Variants in SPTA1 observed in about 807,000 individuals in gnomAD.
The protein encoded by SPTA1 is spectrin alpha chain, erythrocytic 1.
A neutral mutation model predicts 324.7 loss-of-function variants in SPTA1; 177 were observed. The ratio of observed to expected loss-of-function variants is 0.55; its 90% confidence interval spans 0.48 to 0.62. The LOEUF (loss-of-function observed/expected upper bound fraction) is 0.62, where lower values mean the gene tolerates loss of function less well. SPTA1 is among the 20% of genes least tolerant of loss of function. SPTA1 has a pLI of 0.00. For synonymous variants in SPTA1, 1,195 were observed against 1,041.3 expected, an observed-to-expected ratio of 1.15 and a Z score of -2.84; for missense variants, 3,162 against 2,883.6, an observed-to-expected ratio of 1.10 and a Z score of -2.21.
intron 10 of SPTA1, among the ~76,000 whole-genome samples, chr1:158,673,654 A>G (rs1186612526): frequency 6.6e-6 from 1 of 152,214 alleles, no homozygotes; most frequent in Non-Finnish European, 1.5e-5. Flanking sequence ...CCAGAAATGA[A>G]TAAGGTGCAG....
chr1:158,627,023 A>C lies in SPTA1; in HGVS notation c.5665-16T>G. ...CCTGCAACACCTGTGAGAAGGGGAG[A>C]GACAAATATATTTATAATGTGCAGG... On this transcript the variant is annotated splice_polypyrimidine_tract_variant and intron_variant, in intron 40 of 51. Coordinates refer to ENST00000643759, the MANE Select transcript of SPTA1 (RefSeq NM_003126.4). The C allele has an allele frequency of 6.2e-7, 1 of 1,613,436 alleles. No homozygotes were observed. The highest frequency in any genetic ancestry group is 8.5e-7 in the Non-Finnish European group (1 of 1,179,556).
Position 158,656,040 on chromosome 1 carries a change from CTGT to C in SPTA1, c.2898+521_2898+523del. Among the ~76,000 whole-genome samples, 4 of 152,286 alleles carry C rather than the reference CTGT, an allele frequency of 2.6e-5. No individual in the cohort carries two copies. The Middle Eastern group carries it at 0.01, about 388-fold the overall frequency. Reference sequence around the variant, plus strand: ...ACAAAAATTTTCCTGTTTTCCAGTACTGTTATTTCAAGAGAACACAAGAGGCCT... The same window carrying C: ...ACAAAAATTTTCCTGTTTTCCAGTACTATTTCAAGAGAACACAAGAGGCCT... On this transcript the variant is annotated intron_variant, in intron 20 of 51. Transcript: ENST00000643759.
intron 22 of SPTA1, 74 bp from the exon 23 acceptor site, chr1:158,652,727 TAGAG>T: frequency 6.5e-7 from 1 of 1,534,722 alleles, no homozygotes; most frequent in South Asian, 1.1e-5. Context: ...GTGACAAACA[TAGAG>T]AAAGAAGGAA....
intron 18 of SPTA1, 27 bp downstream of exon 18, chr1:158,661,260 G>A (rs1225412559): frequency 1.2e-6 from 2 of 1,613,662 alleles, no homozygotes; most frequent in Admixed American, 1.7e-5. Context: ...GTGATGTTTT[G>A]TCCAACTGAA....
chr1:158,678,612 A>T, intron 5 of SPTA1, 78 bp from the exon 6 acceptor site: 1 of 1,508,876 alleles, frequency 6.6e-7, no homozygotes, highest in Non-Finnish European at 9.0e-7. Flanking sequence ...TTTTCATTTT[A>T]CATTAGTTCA....
At chr1:158,615,186 C>T in intron 48 of SPTA1, 30 bp downstream of exon 48, 3 of 1,612,350 alleles carry the variant, frequency 1.9e-6, no homozygotes, top group East Asian at 2.2e-5. Flanking sequence ...ACCTGCATCC[C>T]TCCCTGCTCT....
chr1:158,640,119 T>G, intron 33 of SPTA1, 112 bp from the exon 34 acceptor site: 3 of 1,372,858 alleles, frequency 2.2e-6, no homozygotes, highest in Non-Finnish European at 3.1e-6. Context: ...CAAAATTTGC[T>G]GATACTTGAA....
Position 158,626,217 on chromosome 1 carries a change from T to G in SPTA1, c.5839A>C (p.Lys1947Gln). The change falls in exon 42 of 52, where the codon AAG (lysine) becomes CAG (glutamine). Residue 1947 changes from lysine to glutamine, a missense_variant. Lys to Gln is a moderately conservative substitution (Grantham distance 53, BLOSUM62 1). Coordinates refer to ENST00000643759, the MANE Select transcript of SPTA1 (RefSeq NM_003126.4). ...ADVVEAWIAD[K>Q]ETSLKTNGNG... ...CCATTGGTCTTTAGGCTTGTTTCCT[T>G]ATCAGCTAAAAGGCAAAAACAATTA... The G allele has an allele frequency of 6.2e-7, 1 of 1,613,556 alleles. No homozygotes were observed. Among genetic ancestry groups the G allele is most frequent in the Non-Finnish European group, 8.5e-7 (1 of 1,179,584 alleles).
rs370144773 is a variant in SPTA1, at chr1:158,685,061, T to C, written c.264+47A>G. 13 of 1,612,088 alleles carry C rather than the reference T, an allele frequency of 8.1e-6. No homozygotes were observed. The African/African-American group carries it at 1.3e-4, about 17-fold the overall frequency. On this transcript the variant is annotated intron_variant, in intron 2 of 51. Transcript: ENST00000643759. The stretch of plus-strand genomic sequence containing the variant: ...ATAAAGAAAAACCTATTTCCTTCTC[T>C]AGAGATCTTAGGGTCTGCTCTGAGG...
Position 158,672,039 on chromosome 1 carries a change from G to A in SPTA1, c.1488+20C>T, listed in dbSNP as rs1307207118. On this transcript the variant is annotated intron_variant, in intron 11 of 51. Transcript: ENST00000643759. The stretch of plus-strand genomic sequence containing the variant: ...GTGAGAGAAATTACTTCTAGAGATG[G>A]TATGGACCCCTCCCGTTACCTCTTG... The A allele has an allele frequency of 1.9e-6, 3 of 1,613,438 alleles. No homozygotes were observed. The highest frequency in any genetic ancestry group is 1.7e-5 in the Admixed American group (1 of 59,980).
chr1:158,622,462 T>A (rs1425544056), intron 43 of SPTA1, among the ~76,000 whole-genome samples: 1 of 152,138 alleles, frequency 6.6e-6, no homozygotes, highest in African/African-American at 2.4e-5. Flanking sequence ...ACTTTTAGAT[T>A]CATTATCTTT....
rs757147440 is a variant in SPTA1 at position 158,656,669 on chromosome 1, A to C, written c.2806-13T>G. The C allele has an allele frequency of 3.1e-6, 5 of 1,602,358 alleles. No individual in the cohort carries two copies. The highest frequency in any genetic ancestry group is 2.6e-6 in the Non-Finnish European group (3 of 1,170,202). On this transcript the variant is annotated splice_polypyrimidine_tract_variant and intron_variant, in intron 19 of 51. Transcript: ENST00000643759. The stretch of plus-strand genomic sequence containing the variant: ...TCTTTAGAAGAGCCTGCATTTATTG[A>C]TGGAAGATCATCAGAATGAATATAG...
intron 3 of SPTA1, among the ~76,000 whole-genome samples, chr1:158,682,226 C>T (rs1157264852): frequency 6.6e-6 from 1 of 152,114 alleles, no homozygotes; most frequent in Non-Finnish European, 1.5e-5. Context: ...TATGTATTAC[C>T]TGTCTTATAT....
At chr1:158,657,114 T>A (rs542049928) in intron 19 of SPTA1, among the ~76,000 whole-genome samples, 1 of 152,296 alleles carries the variant, frequency 6.6e-6, no homozygotes, top group South Asian at 2.1e-4. Flanking sequence ...TCTGTCCAAT[T>A]TTATTTTAAT....
chr1:158,616,351 T>C (rs570036414), intron 47 of SPTA1, among the ~76,000 whole-genome samples: 17 of 152,266 alleles, frequency 1.1e-4, no homozygotes, highest in African/African-American at 3.6e-4. Flanking sequence ...TCTTATTTCT[T>C]CTATCAAACT....
intron 10 of SPTA1, 21 bp downstream of exon 10, chr1:158,674,308 A>G (rs1654247498): frequency 1.2e-6 from 2 of 1,608,796 alleles, no homozygotes; most frequent in Non-Finnish European, 1.7e-6. Context: ...GAATTTGACA[A>G]ACTCTGTTAA....
chr1:158,675,542 A>C (rs1053238025), intron 8 of SPTA1, among the ~76,000 whole-genome samples: 1 of 152,192 alleles, frequency 6.6e-6, no homozygotes, highest in Non-Finnish European at 1.5e-5. Flanking sequence ...CAGAAACTGC[A>C]GATAGTACCA....
At chr1:158,617,755 A>G (rs916751261) in intron 46 of SPTA1, among the ~76,000 whole-genome samples, 167 bp from the exon 47 acceptor site, 18 of 152,170 alleles carry the variant, frequency 1.2e-4, no homozygotes, top group African/African-American at 4.3e-4. Context: ...GACTGATGAG[A>G]AGGGAAGACT....
At position 158,642,514 on chromosome 1, in the gene SPTA1, G is replaced by A. The variant is rs775195796; in HGVS notation, c.4634C>T (p.Ala1545Val). 1.9e-6 allele frequency: 3 copies of A among 1,613,452 alleles called. No individual in the cohort carries two copies. The highest frequency in any genetic ancestry group is 1.3e-5 in the African/African-American group (1 of 74,856). The change falls in exon 33 of 52, where the codon GCA becomes GTA. Residue 1545 changes from alanine (A) to valine (V), a missense_variant. Transcript: ENST00000643759. ...QRKYLKHQTF[A>V]HEVDGRSEQV... Reference sequence around the variant, plus strand: ...CTCAGATCGGCCATCGACTTCATGTGCAAAGGTCTGGTGTTTCAGGTATTT... The same window carrying A: ...CTCAGATCGGCCATCGACTTCATGTACAAAGGTCTGGTGTTTCAGGTATTT...
Sources: gnomAD v4.1 joint callset for allele counts (sites outside exome capture counted in the v4.1 genomes callset) on GRCh38, gnomAD v4.1.1 for gene constraint, MANE v1.5 for transcripts, NCBI Gene and HGNC (gene_info 2026-07-23, HGNC 2026-07-21) for gene names.